ADD3: variants seen among roughly 807,000 people sequenced by gnomAD.
The protein encoded by ADD3 is adducin 3, also known as gamma-adducin.
ADD3 carries 25 observed loss-of-function variants against 80.2 expected under a neutral mutation model. The observed-to-expected ratio is 0.31, with a 90% CI of 0.23 to 0.44. The LOEUF (loss-of-function observed/expected upper bound fraction) is 0.44, where lower values mean the gene tolerates loss of function less well. Among genes scored for constraint, ADD3 ranks in the 20% least tolerant of loss-of-function variants. The probability of loss-of-function intolerance (pLI) is 1.00; values close to 1 mark genes in which losing one functional copy is unlikely to be tolerated. For synonymous variants in ADD3, 284 were observed against 289.6 expected, an observed-to-expected ratio of 0.98 and a Z score of 0.20; for missense variants, 829 against 847.5, an observed-to-expected ratio of 0.98 and a Z score of 0.27.
In ADD3 at chr10:110,130,771, G is replaced by T. The variant is rs1400201682; in HGVS notation, c.1732+285G>T. Among the ~76,000 whole-genome samples the T allele has an allele frequency of 4.0e-5, 6 of 151,696 alleles. No individual in the cohort carries two copies. The East Asian group carries it at 1.2e-3, about 29-fold the overall frequency. ...CTCTGGTGGCTGAGGCAGGAGAATC[G>T]CTTGAACCTGGGAGGCAGAGGTTGC... On this transcript the variant is annotated intron_variant, in intron 13 of 14. Transcript: ENST00000356080.
intron 1 of ADD3, among the ~76,000 whole-genome samples, chr10:110,026,362 A>G (rs974960449): frequency 6.6e-6 from 1 of 150,704 alleles, no homozygotes; most frequent in African/African-American, 2.5e-5. Context: ...GCTCACTGCA[A>G]CCTCAGCCTC....
intron 1 of ADD3, among the ~76,000 whole-genome samples, chr10:110,021,294 C>T (rs1284513521): frequency 6.6e-6 from 1 of 152,148 alleles, no homozygotes; most frequent in East Asian, 1.9e-4. Flanking sequence ...AAAAATGGAA[C>T]AGTCTGGCTG....
intron 1 of ADD3, among the ~76,000 whole-genome samples, chr10:109,998,110 C>A (rs1851415799): frequency 6.6e-6 from 1 of 152,118 alleles, no homozygotes; most frequent in Non-Finnish European, 1.5e-5. Context: ...TAAATAAGTA[C>A]AACAAAATTA....
chr10:110,066,594 C>A (rs1843988704), intron 1 of ADD3, among the ~76,000 whole-genome samples: 3 of 151,922 alleles, frequency 2.0e-5, no homozygotes, highest in Admixed American at 2.0e-4. Context: ...TCTTTTTGGT[C>A]AATCTTTTAA....
At chr10:110,076,081 T>C (rs1406747904) in intron 1 of ADD3, among the ~76,000 whole-genome samples, 1 of 152,210 alleles carries the variant, frequency 6.6e-6, no homozygotes, top group Non-Finnish European at 1.5e-5. Context: ...TCCTTTTCCA[T>C]TGTTCATTTT....
chr10:110,012,169 TTAA>T, intron 1 of ADD3, among the ~76,000 whole-genome samples: 1 of 152,342 alleles, frequency 6.6e-6, no homozygotes. Context: ...ACCTGGTGTA[TTAA>T]TGTAATATTT....
intron 1 of ADD3, among the ~76,000 whole-genome samples, chr10:110,031,378 C>T (rs943913225): frequency 2.6e-5 from 4 of 152,236 alleles, no homozygotes; most frequent in African/African-American, 9.6e-5. Context: ...TGAATCCTCA[C>T]ATCAGTTCCA....
At chr10:110,106,256 T>C (rs10450423) in intron 2 of ADD3, among the ~76,000 whole-genome samples, 19,996 of 151,862 alleles carry the variant, frequency 0.13, 4,233 homozygotes, top group African/African-American at 0.45. Flanking sequence ...ATCAGTGTTA[T>C]TATCTGAGTG....
intron 1 of ADD3, among the ~76,000 whole-genome samples, chr10:110,081,361 G>C (rs1193081608): frequency 1.3e-5 from 2 of 152,160 alleles, no homozygotes; most frequent in Non-Finnish European, 2.9e-5. Flanking sequence ...GTCTTGCTTA[G>C]AATCCTCTAA....
chr10:110,074,745 CAA>C (rs1462843869), intron 1 of ADD3, among the ~76,000 whole-genome samples: 2 of 151,966 alleles, frequency 1.3e-5, no homozygotes, highest in Non-Finnish European at 2.9e-5. Context: ...TTAAATGAAA[CAA>C]ATATTTGAAA....
At chr10:110,007,376 G>C (rs898864906), upstream of ADD3, among the ~76,000 whole-genome samples, 3 of 152,216 alleles carry the variant, frequency 2.0e-5, no homozygotes, top group South Asian at 2.1e-4. Context: ...GGCCCCACGG[G>C]GGGCGTGCGG....
chr10:110,017,074 A>G lies in ADD3; in HGVS notation c.-30+8775A>G, dbSNP rs144884404. Among the ~76,000 whole-genome samples the G allele has an allele frequency of 2.3e-3, 352 of 152,324 alleles. 5 individuals carry two copies. Among genetic ancestry groups the G allele is most frequent in the African/African-American group, 8.2e-3 (341 of 41,560 alleles). ...AGGATCATTTTAAGCACTTCACATA[A>G]ATTATCCAAAGTTTAGTGAAGTAAC... On this transcript the variant is annotated intron_variant, in intron 1 of 14. Coordinates refer to ENST00000356080, the MANE Select transcript of ADD3 (RefSeq NM_016824.5).
At chr10:110,013,219 C>T (rs905629495) in intron 1 of ADD3, among the ~76,000 whole-genome samples, 1 of 152,200 alleles carries the variant, frequency 6.6e-6, no homozygotes, top group African/African-American at 2.4e-5. Context: ...TCTTCTGCCT[C>T]AGCCTCCTGA....
chr10:110,067,551 T>G (rs1007451924), intron 1 of ADD3, among the ~76,000 whole-genome samples: 2 of 152,194 alleles, frequency 1.3e-5, no homozygotes, highest in African/African-American at 4.8e-5. Flanking sequence ...ACAGTATTGC[T>G]TATCTTGGAT....
chr10:110,027,893 A>C (rs1193011560), intron 1 of ADD3, among the ~76,000 whole-genome samples: 2 of 152,236 alleles, frequency 1.3e-5, no homozygotes, highest in East Asian at 3.8e-4. Context: ...ACTGAATGAA[A>C]ACTTCAGAGG....
At chr10:110,131,691 T>C (rs1387165632) in intron 13 of ADD3, among the ~76,000 whole-genome samples, 1 of 152,248 alleles carries the variant, frequency 6.6e-6, no homozygotes, top group African/African-American at 2.4e-5. Flanking sequence ...AATTTGTTTA[T>C]TCTAACATAA....
At chr10:110,123,120 A>G (rs960910878) in intron 9 of ADD3, among the ~76,000 whole-genome samples, 10 of 152,198 alleles carry the variant, frequency 6.6e-5, no homozygotes, top group African/African-American at 1.7e-4. Context: ...CCATCCATCA[A>G]TGGACACTTA....
chr10:110,117,382 C>G lies in ADD3; in HGVS notation c.527C>G (p.Pro176Arg), dbSNP rs778130235. Reference sequence around the variant, plus strand: ...GAGCAAGACCACATTATAATAATTCCCAGAGGCCTATCTTTTTCTGAAGCT... The same window carrying G: ...GAGCAAGACCACATTATAATAATTCGCAGAGGCCTATCTTTTTCTGAAGCT... ...SKEQDHIIIIPRGLSFSEATA... is the reference protein window; with the variant it reads ...SKEQDHIIIIRRGLSFSEATA... Residue 176 changes from proline to arginine, a missense_variant, in exon 5 of 15, where the codon CCC (proline) becomes CGC (arginine). Transcript: ENST00000356080. 2 of 1,607,868 alleles carry G rather than the reference C, an allele frequency of 1.2e-6. No homozygotes were observed. The highest frequency in any genetic ancestry group is 1.3e-5 in the African/African-American group (1 of 74,688).
chr10:110,016,655 GT>G (rs996584530), intron 1 of ADD3: 1 of 152,114 alleles, frequency 6.6e-6, no homozygotes, highest in South Asian at 2.1e-4. Context: ...TACTTCGATT[GT>G]TTTTTTCTCC....
Sources: gnomAD v4.1 joint callset for allele counts (sites outside exome capture counted in the v4.1 genomes callset) on GRCh38, gnomAD v4.1.1 for gene constraint, MANE v1.5 for transcripts, NCBI Gene and HGNC (gene_info 2026-07-23, HGNC 2026-07-21) for gene names.